The following WDFY3 variants were observed in gnomAD, a reference collection of about 807,000 sequenced individuals.
The protein encoded by WDFY3 is WD repeat and FYVE domain containing 3, also known as WD repeat and FYVE domain-containing protein 3.
A neutral mutation model predicts 409.6 loss-of-function variants in WDFY3; 66 were observed. That is an observed-to-expected ratio of 0.16 (90% CI 0.13 to 0.20). The LOEUF is 0.20. Ranked by LOEUF, WDFY3 falls within the 10% of genes least tolerant of loss-of-function variation. The probability of loss-of-function intolerance (pLI) is 1.00; values close to 1 mark genes in which losing one functional copy is unlikely to be tolerated. For synonymous variants in WDFY3, 1,521 were observed against 1,537.1 expected, an observed-to-expected ratio of 0.99 and a Z score of 0.25; for missense variants, 3,031 against 4,298.1, an observed-to-expected ratio of 0.71 and a Z score of 8.24.
At chr4:84,720,275 T>C (rs549493943) in intron 47 of WDFY3, among the ~76,000 whole-genome samples, 3 of 152,174 alleles carry the variant, frequency 2.0e-5, no homozygotes, top group African/African-American at 7.2e-5. Context: ...AGGAAGGGTA[T>C]GCAACCAAGC....
chr4:84,811,274 C>G (rs1455878515), intron 13 of WDFY3, among the ~76,000 whole-genome samples: 2 of 152,202 alleles, frequency 1.3e-5, no homozygotes, highest in African/African-American at 4.8e-5. Context: ...GCTGGGATTA[C>G]AGGCGTGAGC....
chr4:84,778,906 AT>A (rs997415073), intron 26 of WDFY3, among the ~76,000 whole-genome samples: 4 of 152,188 alleles, frequency 2.6e-5, no homozygotes, highest in Non-Finnish European at 5.9e-5. Flanking sequence ...CCACTTTTAC[AT>A]TTACCCTTTC....
intron 1 of WDFY3, among the ~76,000 whole-genome samples, chr4:84,937,857 C>T (rs1366824839): frequency 6.6e-6 from 1 of 152,084 alleles, no homozygotes; most frequent in Non-Finnish European, 1.5e-5. Flanking sequence ...ATATGCTTTT[C>T]CAAGAGATGA....
chr4:84,695,845 T>C (rs1258084826), intron 58 of WDFY3, 125 bp downstream of exon 58: 16 of 901,016 alleles, frequency 1.8e-5, no homozygotes, highest in Non-Finnish European at 2.7e-5. Context: ...ATTGAAATCC[T>C]AGGTGATATT....
chr4:84,679,190 G>A lies in WDFY3; in HGVS notation c.9876C>T (p.Ser3292=). ...GAGTGTCCTTAGGGTCCTGGCTGATGCTCTGCTCATCTGCTTCTGAATCAC... is the reference window on the plus strand; with the variant it reads ...GAGTGTCCTTAGGGTCCTGGCTGATACTCTGCTCATCTGCTTCTGAATCAC... The part of the protein sequence containing the change: ...DSSDSEADEQ[S]ISQDPKDTPS... Residue 3292 remains serine (S), a synonymous_variant, in exon 65 of 68, where the codon AGC becomes AGT. Coordinates refer to ENST00000295888, the MANE Select transcript of WDFY3 (RefSeq NM_014991.6). 1.9e-6 allele frequency: 3 copies of A among 1,602,980 alleles called. No individual in the cohort carries two copies. The highest frequency in any genetic ancestry group is 2.6e-6 in the Non-Finnish European group (3 of 1,173,144).
Position 84,817,470 on chromosome 4 carries a change from G to C in WDFY3, c.1809C>G (p.Asp603Glu), listed in dbSNP as rs767715079. The change falls in exon 13 of 68, where the codon GAC becomes GAG. Residue 603 changes from aspartate (D) to glutamate (E), a missense_variant. Asp to Glu is a conservative substitution (Grantham distance 45). Coordinates refer to ENST00000295888, the MANE Select transcript of WDFY3 (RefSeq NM_014991.6). ...GCCCCAGGAGAGTGCCCATGTCATCGTCCCCATTTGGGGAGAGCACCAGCT... is the reference window on the plus strand; with the variant it reads ...GCCCCAGGAGAGTGCCCATGTCATCCTCCCCATTTGGGGAGAGCACCAGCT... ...IQQLVLSPNG[D>E]DDMGTLLGLM... 1.2e-6 allele frequency: 2 copies of C among 1,613,764 alleles called. No individual in the cohort carries two copies. Among genetic ancestry groups the C allele is most frequent in the South Asian group, 2.2e-5 (2 of 91,084 alleles).
intron 3 of WDFY3, among the ~76,000 whole-genome samples, chr4:84,890,314 G>C (rs896642382): frequency 2.0e-5 from 3 of 152,236 alleles, no homozygotes; most frequent in Non-Finnish European, 4.4e-5. Context: ...TGCCCAGGCT[G>C]GTCTTGAACT....
intron 62 of WDFY3, among the ~76,000 whole-genome samples, chr4:84,687,391 C>T (rs922394939): frequency 6.6e-6 from 1 of 152,148 alleles, no homozygotes; most frequent in African/African-American, 2.4e-5. Context: ...GATCCGCCTG[C>T]ACTGACCTCC....
chr4:84,908,624 G>C (rs956391005), intron 2 of WDFY3, among the ~76,000 whole-genome samples: 2 of 152,148 alleles, frequency 1.3e-5, no homozygotes, highest in African/African-American at 4.8e-5. Flanking sequence ...ATTTACAACT[G>C]ACAAGCCCAA....
At chr4:84,771,872 G>C (rs1211176706) in intron 30 of WDFY3, among the ~76,000 whole-genome samples, 1 of 152,140 alleles carries the variant, frequency 6.6e-6, no homozygotes, top group Non-Finnish European at 1.5e-5. Context: ...GTAACTGTCA[G>C]GGTCCTGAAC....
chr4:84,794,422 C>G, intron 21 of WDFY3, 97 bp downstream of exon 21: 5 of 1,186,808 alleles, frequency 4.2e-6, no homozygotes, highest in Non-Finnish European at 5.9e-6. Flanking sequence ...ATAATTTAAG[C>G]TGAAAAGTTA....
chr4:84,740,467 CT>C (rs1205155770), intron 38 of WDFY3, 51 bp from the exon 39 acceptor site: 1 of 1,567,632 alleles, frequency 6.4e-7, no homozygotes, highest in African/African-American at 1.4e-5. Flanking sequence ...AGTAAAACAC[CT>C]GTTAATCATT....
At chr4:84,679,907 T>C (rs1269500411) in intron 64 of WDFY3, among the ~76,000 whole-genome samples, 1 of 151,966 alleles carries the variant, frequency 6.6e-6, no homozygotes, top group African/African-American at 2.4e-5. Context: ...TATGTATTTT[T>C]TGAGACAGAA....
chr4:84,878,340 T>C (rs1446409046), intron 3 of WDFY3, among the ~76,000 whole-genome samples: 1 of 152,176 alleles, frequency 6.6e-6, no homozygotes, highest in East Asian at 1.9e-4. Flanking sequence ...GGCTGGAATG[T>C]ATGTTAAGAC....
At chr4:84,810,388 C>CAAA in intron 13 of WDFY3, 44 bp from the exon 14 acceptor site, 36 of 840,376 alleles carry the variant, frequency 4.3e-5, no homozygotes, top group African/African-American at 1.3e-4. Flanking sequence ...ACACATAATT[C>CAAA]AAAAAAAAAA....
chr4:84,677,876 C>A (rs895896170), intron 66 of WDFY3, among the ~76,000 whole-genome samples: 3 of 142,086 alleles, frequency 2.1e-5, no homozygotes, highest in African/African-American at 7.9e-5. Flanking sequence ...GGTGGGAGAA[C>A]TGCTTGAGCC....
At chr4:84,782,370 AT>A (rs35721725) in intron 25 of WDFY3, among the ~76,000 whole-genome samples, 23 of 149,900 alleles carry the variant, frequency 1.5e-4, no homozygotes, top group Middle Eastern at 3.4e-3. Flanking sequence ...AAACAGTGCA[AT>A]TTTTTTTTTT....
At chr4:84,841,984 G>A (rs1056509878) in intron 5 of WDFY3, among the ~76,000 whole-genome samples, 2 of 152,276 alleles carry the variant, frequency 1.3e-5, no homozygotes, top group African/African-American at 4.8e-5. Flanking sequence ...AGAGTAGGAA[G>A]AGAGAAACGT....
intron 1 of WDFY3, among the ~76,000 whole-genome samples, chr4:84,940,272 T>A (rs1329364236): frequency 6.6e-6 from 1 of 152,156 alleles, no homozygotes; most frequent in Non-Finnish European, 1.5e-5. Context: ...GCTGACGGTA[T>A]ATGGTTATAG....
Sources: gnomAD v4.1 joint callset for allele counts (sites outside exome capture counted in the v4.1 genomes callset) on GRCh38, gnomAD v4.1.1 for gene constraint, MANE v1.5 for transcripts, NCBI Gene and HGNC (gene_info 2026-07-23, HGNC 2026-07-21) for gene names.